Variants in HTR1F observed in about 807,000 individuals in gnomAD.
The protein encoded by HTR1F is 5-hydroxytryptamine receptor 1F.
HTR1F carries 17 observed loss-of-function variants against 24.0 expected under a neutral mutation model. The ratio of observed to expected loss-of-function variants is 0.71; its 90% CI spans 0.48 to 1.06. The LOEUF (loss-of-function observed/expected upper bound fraction) is 1.06, where lower values mean the gene tolerates loss of function less well. HTR1F is among the 50% of genes least tolerant of loss of function. HTR1F has a pLI of 0.00. For missense variants in HTR1F, 391 were observed against 427.8 expected, an observed-to-expected ratio of 0.91 and a Z score of 0.76; for synonymous variants, 186 against 156.8, an observed-to-expected ratio of 1.19 and a Z score of -1.39.
intron 2 of HTR1F, among the ~76,000 whole-genome samples, chr3:87,851,935 G>A (rs1705095666): frequency 1.4e-5 from 2 of 147,392 alleles, no homozygotes; most frequent in Admixed American, 1.4e-4. Context: ...AATTTACTTT[G>A]CTATTTTGAA....
intron 2 of HTR1F, among the ~76,000 whole-genome samples, chr3:87,829,768 A>T (rs1169212663): frequency 6.6e-6 from 1 of 152,244 alleles, no homozygotes; most frequent in East Asian, 1.9e-4. Context: ...AAAAATAATG[A>T]TGTTACTTAA....
At chr3:87,858,297 T>A (rs1705242666) in intron 2 of HTR1F, among the ~76,000 whole-genome samples, 1 of 152,176 alleles carries the variant, frequency 6.6e-6, no homozygotes, top group African/African-American at 2.4e-5. Flanking sequence ...TAGTTCTATG[T>A]CATCATGACC....
At chr3:87,939,271 T>A (rs1000824466) in intron 2 of HTR1F, among the ~76,000 whole-genome samples, 2 of 152,246 alleles carry the variant, frequency 1.3e-5, no homozygotes, top group Non-Finnish European at 2.9e-5. Context: ...TGGATTTGGT[T>A]GGCCAGTATT....
intron 2 of HTR1F, among the ~76,000 whole-genome samples, chr3:87,884,620 A>G (rs1705891484): frequency 6.6e-6 from 1 of 152,184 alleles, no homozygotes; most frequent in Admixed American, 6.5e-5. Context: ...ACATGCAGAG[A>G]CACACATAGG....
At chr3:87,832,557 A>C (rs1361851236) in intron 2 of HTR1F, among the ~76,000 whole-genome samples, 1 of 152,070 alleles carries the variant, frequency 6.6e-6, no homozygotes, top group African/African-American at 2.4e-5. Context: ...CAAACTCCTG[A>C]ACTCAGGCAG....
chr3:87,915,850 C>T (rs142605677), intron 2 of HTR1F, among the ~76,000 whole-genome samples: 133 of 152,236 alleles, frequency 8.7e-4, no homozygotes, highest in African/African-American at 3.1e-3. Context: ...ACAAGAAGCA[C>T]ACAGAACACC....
rs544423776 is a variant in HTR1F, at chr3:87,991,188, G to C, written c.439G>C (p.Val147Leu). 6.2e-7 allele frequency: 1 copy of C among 1,613,998 alleles called. No individual in the cohort carries two copies. The highest frequency in any genetic ancestry group is 8.5e-7 in the Non-Finnish European group (1 of 1,179,980). The change falls in exon 3 of 3, where the codon GTT (valine) becomes CTT (leucine). Residue 147 changes from valine (V) to leucine (L), a missense_variant. Transcript: ENST00000319595. ...GCATGCTGGCATTATGATTACAATA[G>C]TTTGGATTATATCTGTTTTTATCTC... Reference protein sequence around the residue: ...PKHAGIMITIVWIISVFISMP... With the variant: ...PKHAGIMITILWIISVFISMP...
intron 2 of HTR1F, among the ~76,000 whole-genome samples, chr3:87,977,414 T>C (rs1705419070): frequency 6.8e-6 from 1 of 146,224 alleles, no homozygotes; most frequent in Non-Finnish European, 1.5e-5. Flanking sequence ...TTTTTTTTTT[T>C]TTGAGACGGA....
At chr3:87,928,642 C>A (rs1463671066) in intron 2 of HTR1F, among the ~76,000 whole-genome samples, 1 of 152,074 alleles carries the variant, frequency 6.6e-6, no homozygotes, top group African/African-American at 2.4e-5. Context: ...CTGAAATGAA[C>A]CACCTTCCGC....
Position 87,993,641 on chromosome 3 carries a change from G to T in HTR1F, c.*1791G>T, listed in dbSNP as rs771065926. The T allele has an allele frequency of 2.4e-5, 4 of 167,040 alleles. No homozygotes were observed. The highest frequency in any genetic ancestry group is 6.6e-5 in the Admixed American group (1 of 15,258). The allele number at this position is 167,040 out of a possible 1,614,324, so 10.3% of individuals were successfully genotyped here. A position where few individuals can be genotyped will look rare whatever the true frequency, so the allele number is the denominator to read the frequency against. ...ACCATGCAAGTATTTGGTGGGGCAT[G>T]TTCATAAATAGCAATGAGTTTGGCA... On this transcript the variant is annotated 3_prime_UTR_variant, in exon 3 of 3. Transcript: ENST00000319595.
rs148577566 is a variant in HTR1F, at chr3:87,815,975, C to T, written c.-159-6033C>T. Among the ~76,000 whole-genome samples the T allele has an allele frequency of 3.9e-3, 587 of 152,192 alleles. 6 individuals carry two copies. The highest frequency in any genetic ancestry group is 0.014 in the African/African-American group (565 of 41,554). ...TTCATTGAGGGATAAATTAATCCAT[C>T]TATTCTCATGAAATGCACTAGTTTA... On this transcript the variant is annotated intron_variant, in intron 1 of 2. Transcript: ENST00000319595.
At chr3:87,861,419 C>A (rs1705316081) in intron 2 of HTR1F, among the ~76,000 whole-genome samples, 1 of 152,068 alleles carries the variant, frequency 6.6e-6, no homozygotes, top group South Asian at 2.1e-4. Flanking sequence ...CTGAAAATGA[C>A]AATTTTCCCT....
intron 1 of HTR1F, among the ~76,000 whole-genome samples, chr3:87,815,493 T>C (rs1575900184): frequency 6.6e-6 from 1 of 152,122 alleles, no homozygotes; most frequent in East Asian, 1.9e-4. Flanking sequence ...GCATACATTG[T>C]ATTGACGGCT....
chr3:87,816,102 T>C (rs1294106315), intron 1 of HTR1F, among the ~76,000 whole-genome samples: 1 of 152,018 alleles, frequency 6.6e-6, no homozygotes, highest in East Asian at 1.9e-4. Flanking sequence ...CCAAACACAA[T>C]TCTATGCAAG....
intron 2 of HTR1F, among the ~76,000 whole-genome samples, chr3:87,921,089 T>G (rs1704003890): frequency 1.3e-5 from 2 of 151,972 alleles, no homozygotes; most frequent in African/African-American, 4.8e-5. Flanking sequence ...AATTAGCTTA[T>G]CTTTCATATT....
chr3:87,920,619 TA>T (rs1559632179), intron 2 of HTR1F, among the ~76,000 whole-genome samples: 1 of 151,876 alleles, frequency 6.6e-6, no homozygotes, highest in Admixed American at 6.6e-5. Context: ...TGAAAGATTT[TA>T]AAAAAAGAAA....
At chr3:87,945,859 C>CGG (rs150282952) in intron 2 of HTR1F, among the ~76,000 whole-genome samples, 22 of 151,878 alleles carry the variant, frequency 1.4e-4, no homozygotes, top group African/African-American at 5.1e-4. Flanking sequence ...AAAATGTTAC[C>CGG]GGGGGGGTCC....
intron 2 of HTR1F, among the ~76,000 whole-genome samples, chr3:87,960,929 A>C (rs1705045431): frequency 6.6e-6 from 1 of 151,916 alleles, no homozygotes; most frequent in South Asian, 2.1e-4. Flanking sequence ...AAGTAGCTGG[A>C]ACTCTCTTTA....
chr3:87,801,073 G>A (rs1244458273), intron 1 of HTR1F, among the ~76,000 whole-genome samples: 1 of 152,054 alleles, frequency 6.6e-6, no homozygotes, highest in Non-Finnish European at 1.5e-5. Context: ...TTCTTGAAAT[G>A]AATATGGAGT....
Sources: allele counts gnomAD v4.1 joint callset (sites outside exome capture counted in the v4.1 genomes callset), GRCh38; gene constraint gnomAD v4.1.1; transcripts MANE v1.5; gene names NCBI Gene and HGNC (gene_info 2026-07-23, HGNC 2026-07-21).